BRD2: variants seen among roughly 807,000 people sequenced by gnomAD.
BRD2 encodes the protein bromodomain containing 2, also known as bromodomain-containing protein 2.
BRD2 carries 15 observed loss-of-function variants against 79.1 expected under a neutral mutation model. That is an observed-to-expected ratio of 0.19 (90% CI 0.13 to 0.29). BRD2 has a LOEUF of 0.29. Ranked by LOEUF, BRD2 falls within the 10% of genes least tolerant of loss-of-function variation. BRD2 has a pLI of 1.00. For synonymous variants in BRD2, 488 were observed against 358.6 expected (o/e 1.36, Z -4.08); for missense variants, 1,053 against 991.3 (o/e 1.06, Z -0.84).
Position 32,977,954 on chromosome 6 carries a change from C to G in BRD2, c.1527C>G (p.Ser509Arg). ...EEDEEEEESE[S>R]SDSEEERAHR... ...ACGAGGAGGAAGAAGAGAGTGAAAG[C>G]TCAGACTCAGAGGAAGAAAGGGCTC... The change falls in exon 9 of 13, where the codon AGC (serine) becomes AGG (arginine). Residue 509 changes from serine (S) to arginine (R), a missense_variant. By Grantham distance (110) the Ser-to-Arg change is moderately radical (BLOSUM62 -1). Around this residue, in one of 5 missense-constraint regions of BRD2, gnomAD observed 454 missense variants for 430.5 expected, o/e 1.05. Coordinates refer to ENST00000374825, the MANE Select transcript of BRD2 (RefSeq NM_005104.4). 1 of 1,612,234 alleles carries G rather than the reference C, an allele frequency of 6.2e-7. No individual in the cohort carries two copies.
intron 3 of BRD2, 110 bp downstream of exon 3, chr6:32,974,875 C>A: frequency 1.4e-6 from 2 of 1,427,846 alleles, no homozygotes; most frequent in Non-Finnish European, 1.9e-6. Flanking sequence ...TCCCATTTCT[C>A]CCCTGTAGGG....
Position 32,975,518 on chromosome 6 carries a change from C to T in BRD2, c.468C>T (p.Asn156=). Residue 156 remains asparagine (N), a synonymous_variant, in exon 4 of 13, where the codon AAC becomes AAT. Transcript: ENST00000374825. Reference sequence around the variant, plus strand: ...TGTTCACCAACTGTTACATTTACAACAAGGTGAGTTTTTCTGTGTGTTCAT... The same window carrying T: ...TGTTCACCAACTGTTACATTTACAATAAGGTGAGTTTTTCTGTGTGTTCAT... ...NTMFTNCYIY[N]KPTDDIVLMA... is the part of the protein sequence containing the mutation. 1 of 1,611,114 alleles carries T rather than the reference C, an allele frequency of 6.2e-7. No homozygotes were observed. The highest frequency in any genetic ancestry group is 8.5e-7 in the Non-Finnish European group (1 of 1,179,506).
rs1418738025 is a variant in BRD2, at chr6:32,980,391, A to G, written c.2196A>G (p.Lys732=). 1.5e-5 allele frequency: 25 copies of G among 1,613,110 alleles called. No individual in the cohort carries two copies. The highest frequency in any genetic ancestry group is 2.1e-5 in the Non-Finnish European group (25 of 1,180,032). The change falls in exon 12 of 13, where the codon AAA becomes AAG. Residue 732 remains lysine (K), a synonymous_variant. Transcript: ENST00000374825. Reference sequence around the variant, plus strand: ...CAAAGGAGGAACTGGCTTTGGAGAAAAAGCGGGAATTAGAAAAGCGGTTAC... The same window carrying G: ...CAAAGGAGGAACTGGCTTTGGAGAAGAAGCGGGAATTAGAAAAGCGGTTAC... ...GKTKEELALE[K]KRELEKRLQD...
chr6:32,978,544 C>T lies in BRD2; in HGVS notation c.1841+156C>T, dbSNP rs910122411. Reference sequence around the variant, plus strand: ...CCTTTTTGGCACCAGGGACCAGTTTCGTGGAAGACAGATTTTACCACAGAC... The same window carrying T: ...CCTTTTTGGCACCAGGGACCAGTTTTGTGGAAGACAGATTTTACCACAGAC... On this transcript the variant is annotated intron_variant, in intron 10 of 12. Coordinates refer to ENST00000374825, the MANE Select transcript of BRD2 (RefSeq NM_005104.4). 52 of 1,268,546 alleles carry T rather than the reference C, an allele frequency of 4.1e-5. No individual in the cohort carries two copies. In the African/African-American group the frequency reaches 4.3e-4, roughly 11 times the overall value. 78.6% of individuals were successfully genotyped at this position (1,268,546 alleles called of 1,614,324 possible). A position where few individuals can be genotyped will look rare whatever the true frequency, so the allele number is the denominator to read the frequency against.
Position 32,981,303 on chromosome 6 carries a change from T to C in BRD2, c.*585T>C, listed in dbSNP as rs1779524476. The stretch of plus-strand genomic sequence containing the variant: ...TTCTAACTTGTAAATAAAGAAAATA[T>C]TATTCAAGTTTTGAGTTACCTTAAT... On this transcript the variant is annotated 3_prime_UTR_variant, in exon 13 of 13. Coordinates refer to ENST00000374825, the MANE Select transcript of BRD2 (RefSeq NM_005104.4). 6.6e-6 allele frequency: 1 copy of C among 152,278 alleles called. No homozygotes were observed. Among genetic ancestry groups the C allele is most frequent in the African/African-American group, 2.4e-5 (1 of 41,430 alleles). 9.4% of individuals were successfully genotyped at this position (152,278 alleles called of 1,614,324 possible). A position where few individuals can be genotyped will look rare whatever the true frequency, so the allele number is the denominator to read the frequency against.
At chr6:32,973,269 A>AGCCTTTTAGGGGGGATTC (rs1439771997) in intron 2 of BRD2, 1 of 1,022,642 alleles carries the variant, frequency 9.8e-7, no homozygotes, top group Non-Finnish European at 1.4e-6. Flanking sequence ...GCGGTCTGTT[A>AGCCTTTTAGGGGGGATTC]GCCTTTTAGG....
Position 32,980,426 on chromosome 6 carries a change from G to T in BRD2, c.2231G>T (p.Ser744Ile). The change falls in exon 12 of 13, where the codon AGC becomes ATC. Residue 744 changes from serine (S) to isoleucine (I), a missense_variant. By Grantham distance (142) the Ser-to-Ile change is moderately radical. Around this residue, in one of 5 missense-constraint regions of BRD2, gnomAD observed 139 missense variants for 133.2 expected, o/e 1.04. Transcript: ENST00000374825. The part of the protein sequence containing the change: ...RELEKRLQDV[S>I]GQLNSTKKPP... The stretch of plus-strand genomic sequence containing the variant: ...TTAGAAAAGCGGTTACAAGATGTCA[G>T]CGGACAGCTCAATTCTACTAAAAAG... The T allele has an allele frequency of 1.2e-6, 2 of 1,613,092 alleles. No homozygotes were observed. Among genetic ancestry groups the T allele is most frequent in the East Asian group, 4.5e-5 (2 of 44,892 alleles).
chr6:32,974,207 GAAAAAGAACAGATAGA>G (rs1778411922), intron 2 of BRD2, among the ~76,000 whole-genome samples: 1 of 152,052 alleles, frequency 6.6e-6, no homozygotes, highest in African/African-American at 2.4e-5. Context: ...TTTAAAATAT[GAAAAAGAACAGATAGA>G]GCCTATCAGA....
chr6:32,975,099 A>G, intron 3 of BRD2: 1 of 1,510,134 alleles, frequency 6.6e-7, no homozygotes, highest in Non-Finnish European at 8.8e-7. Flanking sequence ...GCCCATGGAT[A>G]GCCAGCCCCA....
At chr6:32,973,227 G>A in intron 2 of BRD2, 2 of 1,420,930 alleles carry the variant, frequency 1.4e-6, no homozygotes, top group African/African-American at 1.4e-5. Context: ...TTGAACAGCA[G>A]GTTTGGCGTT....
intron 3 of BRD2, chr6:32,975,101 C>T (rs1056984984): frequency 1.3e-6 from 2 of 1,509,310 alleles, no homozygotes; most frequent in Non-Finnish European, 1.8e-6. Context: ...CCATGGATAG[C>T]CAGCCCCAGA....
At position 32,971,949 on chromosome 6, in the gene BRD2, C is replaced by G. The variant is rs1021821680; in HGVS notation, c.-950C>G. 1 of 702,948 alleles carries G rather than the reference C, an allele frequency of 1.4e-6. No individual in the cohort carries two copies. Among genetic ancestry groups the G allele is most frequent in the Non-Finnish European group, 2.6e-6 (1 of 384,988 alleles). The allele number at this position is 702,948 out of a possible 1,614,324, so 43.5% of individuals were successfully genotyped here. A position where few individuals can be genotyped will look rare whatever the true frequency, so the allele number is the denominator to read the frequency against. Reference sequence around the variant, plus strand: ...CGGGTTGCCACTTCCCTGTGGGTCTCTGCGGCACTCTTCTGCCTGGTGACT... The same window carrying G: ...CGGGTTGCCACTTCCCTGTGGGTCTGTGCGGCACTCTTCTGCCTGGTGACT... On this transcript the variant is annotated 5_prime_UTR_variant, in exon 2 of 13. Transcript: ENST00000374825.
Position 32,972,057 on chromosome 6 carries a change from T to A in BRD2, c.-842T>A. On this transcript the variant is annotated 5_prime_UTR_variant, in exon 2 of 13. Transcript: ENST00000374825. Reference sequence around the variant, plus strand: ...TCCCGCGGAGAGGTGTTCCTTCCCCTTCGACTCAGCTTCTTCACCCGCGTG... The same window carrying A: ...TCCCGCGGAGAGGTGTTCCTTCCCCATCGACTCAGCTTCTTCACCCGCGTG... 1 of 699,906 alleles carries A rather than the reference T, an allele frequency of 1.4e-6. No homozygotes were observed. The highest frequency in any genetic ancestry group is 2.6e-6 in the Non-Finnish European group (1 of 383,906). The allele number at this position is 699,906 out of a possible 1,614,324, so 43.4% of individuals were successfully genotyped here.
chr6:32,977,534 A>G lies in BRD2; in HGVS notation c.1293A>G (p.Pro431=). 6.2e-7 allele frequency: 1 copy of G among 1,614,068 alleles called. No individual in the cohort carries two copies. Among genetic ancestry groups the G allele is most frequent in the Non-Finnish European group, 8.5e-7 (1 of 1,180,030 alleles). The change falls in exon 8 of 13, where the codon CCA becomes CCG. Residue 431 remains proline, a synonymous_variant. Coordinates refer to ENST00000374825, the MANE Select transcript of BRD2 (RefSeq NM_005104.4). ...MFSNCYKYNP[P]DHDVVAMARK... ...CCAACTGCTATAAGTACAATCCCCC[A>G]GATCACGATGTTGTGGCAATGGCAC... is the stretch of plus-strand genomic sequence containing the variant.
chr6:32,974,101 TTGAG>T lies in BRD2; in HGVS notation c.30-359_30-356del, dbSNP rs112009405. On this transcript the variant is annotated intron_variant, in intron 2 of 12. Coordinates refer to ENST00000374825, the MANE Select transcript of BRD2 (RefSeq NM_005104.4). ...CCCTAGTGAGGAGGAAGCTTGGGGT[TTGAG>T]TTTCTTAACTCCACCCATTTTGCTT... Among the ~76,000 whole-genome samples the T allele has an allele frequency of 4.7e-3, 721 of 152,292 alleles. 7 individuals are homozygous for T. The highest frequency in any genetic ancestry group is 0.017 in the African/African-American group (694 of 41,548).
rs775526678 is a variant in BRD2 at position 32,980,766 on chromosome 6, A to G, written c.*48A>G. 86 of 1,605,632 alleles carry G rather than the reference A, an allele frequency of 5.4e-5. 2 individuals are homozygous for G. In the South Asian group the frequency reaches 9.1e-4, roughly 17 times the overall value. ...GAAGGCTCCGCAGGACCGGACCCCTAGACCACCCTGCCCCACCTGCCCCTT... is the reference window on the plus strand; with the variant it reads ...GAAGGCTCCGCAGGACCGGACCCCTGGACCACCCTGCCCCACCTGCCCCTT... On this transcript the variant is annotated 3_prime_UTR_variant, in exon 13 of 13. Transcript: ENST00000374825.
At chr6:32,972,959 G>T (rs766289956) in intron 2 of BRD2, 32 bp downstream of exon 2, 1 of 1,614,050 alleles carries the variant, frequency 6.2e-7, no homozygotes, top group South Asian at 1.1e-5. Context: ...GTGGGAAGGG[G>T]ATGTTGCAGG....
At chr6:32,973,255 A>G (rs1407579806) in intron 2 of BRD2, 8 of 1,146,008 alleles carry the variant, frequency 7.0e-6, no homozygotes, top group Non-Finnish European at 9.7e-6. Context: ...TCTGGTATCT[A>G]GCGGCGGTCT....
intron 10 of BRD2, chr6:32,979,490 CT>C (rs56655690): frequency 0.02 from 5,579 of 280,434 alleles, no homozygotes; most frequent in Middle Eastern, 0.032. Context: ...TTAGATACTA[CT>C]TTTTTTTTTA....
Sources: gnomAD v4.1 joint callset for allele counts (sites outside exome capture counted in the v4.1 genomes callset) on GRCh38, gnomAD v4.1.1 for gene constraint, gnomAD v4.1.1 regional missense constraint, MANE v1.5 for transcripts, NCBI Gene and HGNC (gene_info 2026-07-23, HGNC 2026-07-21) for gene names.